Variants in DPP6 observed in about 807,000 individuals in gnomAD.
The protein encoded by DPP6 is dipeptidyl peptidase like 6.
Under a neutral mutation model 122.6 loss-of-function variants are expected in DPP6, and 69 were observed. The observed-to-expected ratio is 0.56, with a 90% CI of 0.46 to 0.69. The LOEUF is 0.69. DPP6 is among the 30% of genes least tolerant of loss of function. The probability of loss-of-function intolerance (pLI) is 0.00; values close to 1 mark genes in which losing one functional copy is unlikely to be tolerated. For missense variants in DPP6, 928 were observed against 1,116.9 expected (o/e 0.83, Z 2.41); for synonymous variants, 418 against 433.1 (o/e 0.97, Z 0.43).
intron 16 of DPP6, among the ~76,000 whole-genome samples, chr7:154,813,704 G>A (rs1799222920): frequency 6.6e-6 from 1 of 151,956 alleles, no homozygotes; most frequent in South Asian, 2.1e-4. Context: ...AGTGAAGCCA[G>A]CTATATTCTA....
At chr7:154,591,158 A>C (rs1832790354) in intron 5 of DPP6, among the ~76,000 whole-genome samples, 1 of 152,234 alleles carries the variant, frequency 6.6e-6, no homozygotes, top group Non-Finnish European at 1.5e-5. Context: ...ACTGGAGAAG[A>C]GGGAGGAGAG....
At chr7:154,063,105 C>T (rs1203147828) in intron 1 of DPP6, among the ~76,000 whole-genome samples, 1 of 132,888 alleles carries the variant, frequency 7.5e-6, no homozygotes, top group African/African-American at 2.7e-5. Context: ...GCTGTTAGTA[C>T]CCCCATCGCA....
chr7:154,575,319 T>A, intron 5 of DPP6, among the ~76,000 whole-genome samples: 1 of 123,482 alleles, frequency 8.1e-6, no homozygotes, highest in East Asian at 2.6e-4. Context: ...GTGTGTGGTG[T>A]GTGTATGTGT....
intron 1 of DPP6, among the ~76,000 whole-genome samples, chr7:154,021,102 G>A (rs564361012): frequency 1.1e-4 from 17 of 152,284 alleles, no homozygotes; most frequent in Admixed American, 1.0e-3. Context: ...ACACCCACAT[G>A]CAGAGGGTAA....
chr7:153,788,138 C>T, the DPP6 span, among the ~76,000 whole-genome samples: 5 of 152,242 alleles, frequency 3.3e-5, no homozygotes, highest in East Asian at 3.9e-4. Context: ...AATCTGAAAA[C>T]CTCAATATAG....
intron 3 of DPP6, among the ~76,000 whole-genome samples, chr7:154,509,416 A>G (rs1246561418): frequency 6.6e-6 from 1 of 152,212 alleles, no homozygotes; most frequent in Non-Finnish European, 1.5e-5. Flanking sequence ...ATGCAAATCA[A>G]AAGCACAATG....
At chr7:154,246,111 T>G (rs947631184) in intron 1 of DPP6, among the ~76,000 whole-genome samples, 2 of 152,164 alleles carry the variant, frequency 1.3e-5, no homozygotes, top group African/African-American at 4.8e-5. Context: ...AGAAAAAGCA[T>G]AACATGTTTA....
chr7:154,607,556 T>C, intron 5 of DPP6, among the ~76,000 whole-genome samples: 2 of 45,668 alleles, frequency 4.4e-5, no homozygotes, highest in African/African-American at 6.4e-5. Flanking sequence ...AGCAAGACTC[T>C]GTCTCAAAAA....
intron 1 of DPP6, among the ~76,000 whole-genome samples, chr7:153,912,707 G>A (rs141801655): frequency 5.3e-5 from 8 of 152,086 alleles, no homozygotes; most frequent in Admixed American, 1.3e-4. Flanking sequence ...CTAAGGAGTT[G>A]CACTCTAATT....
intron 1 of DPP6, among the ~76,000 whole-genome samples, chr7:154,135,312 T>A (rs1368383237): frequency 6.6e-6 from 1 of 151,996 alleles, no homozygotes; most frequent in Non-Finnish European, 1.5e-5. Context: ...ACTTCTTATC[T>A]ATGCACTTCC....
At chr7:153,929,677 G>T (rs1401326380) in intron 1 of DPP6, among the ~76,000 whole-genome samples, 1 of 152,132 alleles carries the variant, frequency 6.6e-6, no homozygotes, top group Non-Finnish European at 1.5e-5. Flanking sequence ...CCAGCAGTGG[G>T]TGGGAATGAG....
At chr7:154,206,384 G>A (rs1441612266) in intron 1 of DPP6, among the ~76,000 whole-genome samples, 1 of 152,248 alleles carries the variant, frequency 6.6e-6, no homozygotes, top group Admixed American at 6.5e-5. Flanking sequence ...GCAGCACAGA[G>A]GCATGGCATG....
chr7:154,867,312 G>T (rs899640985), intron 17 of DPP6, among the ~76,000 whole-genome samples: 2 of 152,196 alleles, frequency 1.3e-5, no homozygotes, highest in African/African-American at 2.4e-5. Flanking sequence ...TGAAGAAATA[G>T]ATAACGAGGA....
intron 7 of DPP6, among the ~76,000 whole-genome samples, chr7:154,708,436 T>G (rs74932297): frequency 6.6e-6 from 1 of 152,360 alleles, no homozygotes; most frequent in East Asian, 1.9e-4. Context: ...GTGTTCAGTC[T>G]TTCATAATCT....
At chr7:154,321,124 A>G (rs76819991) in intron 1 of DPP6, among the ~76,000 whole-genome samples, 9,917 of 152,102 alleles carry the variant, frequency 0.065, 673 homozygotes, top group African/African-American at 0.17. Flanking sequence ...TCTACAAAAA[A>G]ATACCAAAAT....
At chr7:154,402,044 T>C (rs1815659469) in intron 1 of DPP6, among the ~76,000 whole-genome samples, 1 of 151,980 alleles carries the variant, frequency 6.6e-6, no homozygotes, top group Admixed American at 6.6e-5. Flanking sequence ...AAAACCACAA[T>C]GAGATGCCAT....
chr7:154,778,626 TCCACCACCACCACA>T (rs1007358109), intron 10 of DPP6, among the ~76,000 whole-genome samples: 13 of 140,502 alleles, frequency 9.3e-5, no homozygotes, highest in Non-Finnish European at 1.5e-4. Flanking sequence ...CTATACAACC[TCCACCACCACCACA>T]CCACCACCAC....
At chr7:154,310,105 A>T (rs559436687) in intron 1 of DPP6, among the ~76,000 whole-genome samples, 1 of 152,310 alleles carries the variant, frequency 6.6e-6, no homozygotes, top group East Asian at 1.9e-4. Context: ...AGAACTGGGA[A>T]GTCTTGGATA....
At chr7:154,173,995 G>A (rs2150733654) in intron 1 of DPP6, among the ~76,000 whole-genome samples, 1 of 152,302 alleles carries the variant, frequency 6.6e-6, no homozygotes, top group Non-Finnish European at 1.5e-5. Flanking sequence ...TTTGAGACAT[G>A]GGTGTCTTGC....
Sources: allele counts gnomAD v4.1 joint callset (sites outside exome capture counted in the v4.1 genomes callset), GRCh38; gene constraint gnomAD v4.1.1; transcripts MANE v1.5; gene names NCBI Gene and HGNC (gene_info 2026-07-23, HGNC 2026-07-21).